POLA1: variants seen among roughly 807,000 people sequenced by gnomAD.
The protein encoded by POLA1 is DNA polymerase alpha 1, catalytic subunit.
In POLA1, 15 loss-of-function variants were observed where a neutral mutation model predicts 124.0. The ratio of observed to expected loss-of-function variants is 0.12; its 90% CI spans 0.08 to 0.19. POLA1 has a LOEUF of 0.19. Ranked by LOEUF, POLA1 falls within the 10% of genes least tolerant of loss-of-function variation. The pLI is 1.00. For synonymous variants in POLA1, 408 were observed against 389.4 expected (o/e 1.05, Z -0.56); for missense variants, 886 against 1,103.4 (o/e 0.80, Z 2.79).
At chrX:24,884,134 T>C (rs935107736) in intron 34 of POLA1, among the ~76,000 whole-genome samples, 3 of 111,535 alleles carry the variant, frequency 2.7e-5, no homozygotes, top group African/African-American at 9.8e-5. Flanking sequence ...ATACCTGTTA[T>C]ATTTATTTAT....
intron 15 of POLA1, among the ~76,000 whole-genome samples, chrX:24,731,699 C>T (rs936002205): frequency 5.4e-5 from 6 of 110,384 alleles, no homozygotes; most frequent in Non-Finnish European, 9.5e-5. Flanking sequence ...ACAGGACAGC[C>T]CCCACAACAA....
chrX:24,863,259 C>CT (rs1556010619), intron 34 of POLA1, among the ~76,000 whole-genome samples: 1 of 37,474 alleles, frequency 2.7e-5, no homozygotes, highest in African/African-American at 1.7e-4. Flanking sequence ...GAAGAGTATG[C>CT]CCCCCCCCAT....
At chrX:24,875,310 C>CTA (rs2046916572) in intron 34 of POLA1, among the ~76,000 whole-genome samples, 1 of 111,605 alleles carries the variant, frequency 9.0e-6, no homozygotes, top group Non-Finnish European at 1.9e-5. Flanking sequence ...ATTTCAAGAT[C>CTA]TATCATCAAT....
chrX:24,791,653 G>A (rs1188347081), intron 26 of POLA1, among the ~76,000 whole-genome samples: 1 of 112,367 alleles, frequency 8.9e-6, no homozygotes, highest in Non-Finnish European at 1.9e-5. Flanking sequence ...CAAAGTGCTG[G>A]GATTACAGGC....
intron 32 of POLA1, among the ~76,000 whole-genome samples, chrX:24,838,645 G>A (rs2046372121): frequency 8.9e-6 from 1 of 112,728 alleles, no homozygotes. Flanking sequence ...ACTAATGTAC[G>A]CAGTGTAACA....
chrX:24,708,309 CCT>C (rs1928950782), intron 4 of POLA1, among the ~76,000 whole-genome samples: 1 of 110,150 alleles, frequency 9.1e-6, no homozygotes. Context: ...ATACAGATCT[CCT>C]GTCTCACATT....
At chrX:24,876,710 A>G (rs2046941421) in intron 34 of POLA1, among the ~76,000 whole-genome samples, 1 of 109,746 alleles carries the variant, frequency 9.1e-6, no homozygotes, top group Admixed American at 9.7e-5. Context: ...AGTGGTATGG[A>G]GAGAGGTGGG....
chrX:24,982,439 G>A lies in POLA1; in HGVS notation c.4262-13366G>A, dbSNP rs193148629. 1.7e-4 allele frequency among the ~76,000 whole-genome samples: 19 copies of A among 109,385 alleles called. No individual in the cohort carries two copies. The East Asian group carries it at 2.0e-3, about 12-fold the overall frequency. The allele number at this position is 109,385 out of a possible 115,157, so 95.0% of individuals were successfully genotyped here. A position where few individuals can be genotyped will look rare whatever the true frequency, so the allele number is the denominator to read the frequency against. On this transcript the variant is annotated intron_variant, in intron 36 of 36. Transcript: ENST00000379068. ...CTGTGACTGACCAGCTCTCTAAATAGCCCTTTACTACCTGTTTACTTATTG... is the reference window on the plus strand; with the variant it reads ...CTGTGACTGACCAGCTCTCTAAATAACCCTTTACTACCTGTTTACTTATTG...
intron 36 of POLA1, 40 bp downstream of exon 36, chrX:24,930,589 G>T: frequency 1.1e-6 from 1 of 876,390 alleles, no homozygotes; most frequent in Non-Finnish European, 1.7e-6. Flanking sequence ...GTTTAAAGTG[G>T]AAATTTGCAT....
intron 34 of POLA1, among the ~76,000 whole-genome samples, chrX:24,867,087 ATTT>A (rs35709929): frequency 9.2e-6 from 1 of 109,092 alleles, no homozygotes; most frequent in Non-Finnish European, 1.9e-5. Context: ...ATAAAACTTG[ATTT>A]TTTTTTAATT....
chrX:24,970,503 A>T (rs1380337698), intron 36 of POLA1, among the ~76,000 whole-genome samples: 1 of 112,012 alleles, frequency 8.9e-6, no homozygotes, highest in Non-Finnish European at 1.9e-5. Context: ...AGAAACTATC[A>T]TCAGAGTGAA....
Position 24,843,601 on chromosome X carries a change from C to T in POLA1, c.3971C>T (p.Ser1324Leu). 1 of 1,182,592 alleles carries T rather than the reference C, an allele frequency of 8.5e-7. No individual in the cohort carries two copies. Among genetic ancestry groups the T allele is most frequent in the Non-Finnish European group, 1.1e-6 (1 of 871,669 alleles). Residue 1324 changes from serine to leucine, a missense_variant, in exon 34 of 37, where the codon TCA becomes TTA. Transcript: ENST00000379068. ...TGCAGTAACATCGATTGTAAGGCTTCACCTCTGACCTTTACAGTACAACTG... is the reference window on the plus strand; with the variant it reads ...TGCAGTAACATCGATTGTAAGGCTTTACCTCTGACCTTTACAGTACAACTG... ...YRCSNIDCKASPLTFTVQLSN... is the reference protein window; with the variant it reads ...YRCSNIDCKALPLTFTVQLSN...
intron 22 of POLA1, among the ~76,000 whole-genome samples, chrX:24,743,018 C>T (rs1454138944): frequency 8.9e-6 from 1 of 111,858 alleles, no homozygotes; most frequent in Non-Finnish European, 1.9e-5. Flanking sequence ...TTTGTTAACT[C>T]AGGATATAGT....
At chrX:24,833,074 C>A (rs899052174) in intron 32 of POLA1, among the ~76,000 whole-genome samples, 6 of 110,787 alleles carry the variant, frequency 5.4e-5, no homozygotes, top group Non-Finnish European at 1.9e-5. Context: ...ACCTTTCCCC[C>A]CAAGTCCTCA....
rs754066741 is a variant in POLA1, at chrX:24,887,994, C to T, written c.4048-12C>T. ...CGATGGTGATAAGTCTGAAGTTTTC[C>T]CTTCTCTCCAGGGCTGGTTGATATG... is the stretch of plus-strand genomic sequence containing the variant. On this transcript the variant is annotated splice_polypyrimidine_tract_variant and intron_variant, in intron 34 of 36. Coordinates refer to ENST00000379068, the MANE Select transcript of POLA1 (RefSeq NM_001330360.2). 2.7e-6 allele frequency: 3 copies of T among 1,117,193 alleles called. No individual in the cohort carries two copies. In the African/African-American group the frequency reaches 5.4e-5, roughly 20 times the overall value. 92.1% of individuals were successfully genotyped at this position (1,117,193 alleles called of 1,213,427 possible). A position where few individuals can be genotyped will look rare whatever the true frequency, so the allele number is the denominator to read the frequency against.
intron 34 of POLA1, among the ~76,000 whole-genome samples, chrX:24,852,414 G>A (rs767177243): frequency 4.5e-5 from 5 of 110,170 alleles, no homozygotes; most frequent in Non-Finnish European, 9.5e-5. Context: ...GGGTTCAAGC[G>A]ATTCTCCTGT....
chrX:24,765,103 C>T (rs1932869795), intron 26 of POLA1, among the ~76,000 whole-genome samples: 1 of 110,445 alleles, frequency 9.1e-6, no homozygotes, highest in Admixed American at 9.7e-5. Flanking sequence ...CTGCTTTAGT[C>T]CAGCCACATG....
intron 26 of POLA1, among the ~76,000 whole-genome samples, chrX:24,770,977 A>G (rs1254884598): frequency 9.0e-6 from 1 of 111,530 alleles, no homozygotes. Context: ...ATCATTAAGT[A>G]TAAATCACAA....
At chrX:24,980,067 C>T (rs1450528599) in intron 36 of POLA1, among the ~76,000 whole-genome samples, 1 of 110,937 alleles carries the variant, frequency 9.0e-6, no homozygotes, top group African/African-American at 3.3e-5. Flanking sequence ...TTGGGTTTCT[C>T]TGTTGTATGC....
Sources: allele counts gnomAD v4.1 joint callset (sites outside exome capture counted in the v4.1 genomes callset), GRCh38; gene constraint gnomAD v4.1.1; transcripts MANE v1.5; gene names NCBI Gene and HGNC (gene_info 2026-07-23, HGNC 2026-07-21).